The following DDX10 variants were observed in gnomAD, a reference collection of about 807,000 sequenced individuals.
The protein encoded by DDX10 is DEAD-box helicase 10.
In DDX10, 74 loss-of-function variants were observed where a neutral mutation model predicts 104.3. That is an observed-to-expected ratio of 0.71 (90% CI 0.59 to 0.86). The LOEUF is 0.86. DDX10 is among the 40% of genes least tolerant of loss of function. The pLI, the probability that DDX10 is intolerant of heterozygous loss-of-function variation, is 0.00. For missense variants in DDX10, 952 were observed against 1,040.0 expected (o/e 0.92, Z 1.16); for synonymous variants, 351 against 353.4 (o/e 0.99, Z 0.08).
chr11:108,801,304 A>G (rs923416025), intron 13 of DDX10, among the ~76,000 whole-genome samples: 4 of 152,258 alleles, frequency 2.6e-5, no homozygotes, highest in South Asian at 2.1e-4. Flanking sequence ...GTAAACTGCC[A>G]TAGAATCAGC....
In DDX10 at chr11:108,842,378, T is replaced by G. The variant is rs1862649941; in HGVS notation, c.2247+902T>G. ...TGCTATATAATATTAAATTTTGTAT[T>G]AAGAACAAAATACCTTTGGATGTGA... On this transcript the variant is annotated intron_variant, in intron 15 of 17. Transcript: ENST00000322536. Among the ~76,000 whole-genome samples the G allele has an allele frequency of 2.0e-5, 3 of 152,176 alleles. No individual in the cohort carries two copies. In the South Asian group the frequency reaches 6.2e-4, roughly 32 times the overall value.
intron 7 of DDX10, 88 bp downstream of exon 7, chr11:108,689,150 G>T (rs774940938): frequency 2.0e-5 from 28 of 1,371,750 alleles, no homozygotes; most frequent in Non-Finnish European, 2.9e-5. Flanking sequence ...TATATTGTAC[G>T]AGAAGTACAG....
chr11:108,732,553 G>A (rs943905791), intron 13 of DDX10, among the ~76,000 whole-genome samples: 2 of 152,170 alleles, frequency 1.3e-5, no homozygotes, highest in African/African-American at 2.4e-5. Flanking sequence ...TGCAAGCAAG[G>A]CCTTCTGGAA....
chr11:108,777,834 A>G (rs1027879949), intron 13 of DDX10, among the ~76,000 whole-genome samples: 35 of 152,224 alleles, frequency 2.3e-4, no homozygotes, highest in Non-Finnish European at 4.0e-4. Flanking sequence ...CTGATAAGCA[A>G]CTTCAGGAAA....
chr11:108,779,709 A>G (rs1402621035), intron 13 of DDX10, among the ~76,000 whole-genome samples: 1 of 152,250 alleles, frequency 6.6e-6, no homozygotes, highest in African/African-American at 2.4e-5. Context: ...AATTATTTAC[A>G]TGGGCTTCAT....
At chr11:108,932,176 A>G (rs1349488504) in intron 17 of DDX10, among the ~76,000 whole-genome samples, 1 of 151,992 alleles carries the variant, frequency 6.6e-6, no homozygotes, top group Non-Finnish European at 1.5e-5. Flanking sequence ...AGGCTGAATC[A>G]TCATTAAAAC....
chr11:108,695,791 A>T (rs2169562), intron 9 of DDX10, among the ~76,000 whole-genome samples: 4 of 148,886 alleles, frequency 2.7e-5, no homozygotes, highest in Non-Finnish European at 3.0e-5. Context: ...TGATTGATTC[A>T]TGTTTATCCT....
At chr11:108,853,847 C>T (rs753815809) in intron 16 of DDX10, among the ~76,000 whole-genome samples, 13 of 152,160 alleles carry the variant, frequency 8.5e-5, no homozygotes, top group Non-Finnish European at 1.6e-4. Flanking sequence ...AAGGGAAGGT[C>T]TCATTTCTAT....
chr11:108,915,044 T>C lies in DDX10; in HGVS notation c.2305-2829T>C, dbSNP rs528871233. ...CTATGAGACCTGTGAAGTAGTCCAGTATACATGTGCTTGGAGTCCTGAAAG... is the reference window on the plus strand; with the variant it reads ...CTATGAGACCTGTGAAGTAGTCCAGCATACATGTGCTTGGAGTCCTGAAAG... On this transcript the variant is annotated intron_variant, in intron 16 of 17. Coordinates refer to ENST00000322536, the MANE Select transcript of DDX10 (RefSeq NM_004398.4). Among the ~76,000 whole-genome samples the C allele has an allele frequency of 2.0e-5, 3 of 152,048 alleles. No individual in the cohort carries two copies. In the East Asian group the frequency reaches 5.8e-4, roughly 29 times the overall value.
intron 9 of DDX10, among the ~76,000 whole-genome samples, chr11:108,701,561 G>A (rs2094267927): frequency 6.6e-6 from 1 of 151,220 alleles, no homozygotes; most frequent in African/African-American, 2.4e-5. Flanking sequence ...AGAAAATGTA[G>A]TAAATAGTGA....
At chr11:108,686,294 G>A (rs1297183200) in intron 6 of DDX10, among the ~76,000 whole-genome samples, 1 of 152,092 alleles carries the variant, frequency 6.6e-6, no homozygotes, top group African/African-American at 2.4e-5. Flanking sequence ...TCTTGGTGTG[G>A]TACAGCCCAT....
At chr11:108,781,940 G>T (rs375792933) in intron 13 of DDX10, among the ~76,000 whole-genome samples, 1 of 152,162 alleles carries the variant, frequency 6.6e-6, no homozygotes, top group Admixed American at 6.5e-5. Context: ...TGGGAGTTAA[G>T]AGCACAGCCG....
intron 14 of DDX10, among the ~76,000 whole-genome samples, chr11:108,840,375 T>C (rs1330695451): frequency 6.6e-6 from 1 of 152,146 alleles, no homozygotes. Context: ...TTCAAAACAA[T>C]GGTAGTTATT....
intron 13 of DDX10, among the ~76,000 whole-genome samples, chr11:108,784,665 T>A (rs60625914): frequency 0.033 from 5,001 of 152,324 alleles, 279 homozygotes; most frequent in African/African-American, 0.11. Context: ...GTTGGGAATT[T>A]CTTTTGGTGT....
chr11:108,668,174 A>G (rs1243016924), intron 1 of DDX10, among the ~76,000 whole-genome samples: 1 of 152,214 alleles, frequency 6.6e-6, no homozygotes, highest in Non-Finnish European at 1.5e-5. Flanking sequence ...TATACTCACC[A>G]CAAATAACCC....
At chr11:108,700,071 A>G (rs750753912) in intron 9 of DDX10, among the ~76,000 whole-genome samples, 2 of 152,176 alleles carry the variant, frequency 1.3e-5, no homozygotes, top group Non-Finnish European at 2.9e-5. Context: ...CTCACCTAGC[A>G]AATACCATGT....
chr11:108,938,494 T>C (rs573321768), intron 17 of DDX10, among the ~76,000 whole-genome samples: 1 of 152,328 alleles, frequency 6.6e-6, no homozygotes, highest in South Asian at 2.1e-4. Context: ...AGTATTCCCT[T>C]GAACCAAATA....
At chr11:108,937,426 T>C (rs1392881421) in intron 17 of DDX10, among the ~76,000 whole-genome samples, 2 of 152,220 alleles carry the variant, frequency 1.3e-5, no homozygotes, top group Admixed American at 1.3e-4. Context: ...TCAGAAAATT[T>C]AGAAATTCAG....
intron 13 of DDX10, among the ~76,000 whole-genome samples, chr11:108,791,094 A>G (rs949184947): frequency 5.9e-5 from 9 of 152,186 alleles, no homozygotes; most frequent in Non-Finnish European, 1.3e-4. Context: ...GGTGGAAGAG[A>G]TACTAGTGTG....
Sources: gnomAD v4.1 joint callset for allele counts (sites outside exome capture counted in the v4.1 genomes callset) on GRCh38, gnomAD v4.1.1 for gene constraint, MANE v1.5 for transcripts, NCBI Gene and HGNC (gene_info 2026-07-23, HGNC 2026-07-21) for gene names.